KLHL25: variants seen among roughly 807,000 people sequenced by gnomAD.
KLHL25 encodes the protein kelch like family member 25.
In KLHL25, 41 loss-of-function variants were observed where a neutral mutation model predicts 30.0. The observed-to-expected ratio is 1.37, with a 90% CI of 1.07 to 1.78. The LOEUF (loss-of-function observed/expected upper bound fraction) is 1.78. Ranked by LOEUF, KLHL25 falls within the 40% of genes most tolerant of loss-of-function variation. The pLI is 0.00. For missense variants in KLHL25, 971 were observed against 824.5 expected, an observed-to-expected ratio of 1.18 and a Z score of -2.18; for synonymous variants, 399 against 355.3, an observed-to-expected ratio of 1.12 and a Z score of -1.38.
intron 1 of KLHL25, among the ~76,000 whole-genome samples, chr15:85,784,488 T>A (rs8036906): frequency 9.9e-5 from 15 of 151,940 alleles, no homozygotes; most frequent in East Asian, 5.8e-4. Flanking sequence ...CTGACGTTGC[T>A]CTACTGCACT....
chr15:85,781,990 C>T (rs993307599), intron 1 of KLHL25, among the ~76,000 whole-genome samples: 5 of 151,924 alleles, frequency 3.3e-5, no homozygotes, highest in African/African-American at 1.2e-4. Flanking sequence ...CCTGGCCCTG[C>T]CTGCTCCTCC....
At position 85,768,762 on chromosome 15, in the gene KLHL25, G is replaced by C; in HGVS notation, c.1049C>G (p.Ser350Cys). 1.2e-6 allele frequency: 2 copies of C among 1,612,958 alleles called. No individual in the cohort carries two copies. Among genetic ancestry groups the C allele is most frequent in the South Asian group, 2.2e-5 (2 of 91,086 alleles). ...CKVYVTGGRG[S>C]ENGVSKDVWV... ...GACATCCTTGGAGACCCCGTTCTCG[G>C]AGCCCCTGCCCCCCGTCACATAGAC... Residue 350 changes from serine to cysteine, a missense_variant, in exon 2 of 3, where the codon TCC (serine) becomes TGC (cysteine). Coordinates refer to ENST00000337975, the MANE Select transcript of KLHL25 (RefSeq NM_022480.4).
chr15:85,782,155 C>T (rs1298089807), intron 1 of KLHL25, among the ~76,000 whole-genome samples: 1 of 152,116 alleles, frequency 6.6e-6, no homozygotes, highest in African/African-American at 2.4e-5. Context: ...TGATAATTCT[C>T]GGTCTCTTGA....
At position 85,769,605 on chromosome 15, in the gene KLHL25, C is replaced by A; in HGVS notation, c.206G>T (p.Arg69Leu). Residue 69 changes from arginine to leucine, a missense_variant, in exon 2 of 3, where the codon CGC (arginine) becomes CTC (leucine). Arg to Leu is a moderately radical substitution (Grantham distance 102, BLOSUM62 -2). Transcript: ENST00000337975. ...ATGGCTGAACATGGCCTCAAAATAG[C>A]GGCTAGAGGCGGCCAGCACGGCACG... Reference protein sequence around the residue: ...CHRAVLAASSRYFEAMFSHGL... With the variant: ...CHRAVLAASSLYFEAMFSHGL... The A allele has an allele frequency of 6.2e-7, 1 of 1,613,222 alleles. No individual in the cohort carries two copies. Among genetic ancestry groups the A allele is most frequent in the Non-Finnish European group, 8.5e-7 (1 of 1,180,016 alleles).
At chr15:85,791,407 A>C (rs1014980975) in intron 1 of KLHL25, among the ~76,000 whole-genome samples, 10 of 152,176 alleles carry the variant, frequency 6.6e-5, no homozygotes, top group Admixed American at 6.5e-4. Flanking sequence ...AGGCGGGAGA[A>C]TCACTTGAAT....
intron 1 of KLHL25, among the ~76,000 whole-genome samples, chr15:85,785,701 G>A (rs1403335044): frequency 1.3e-5 from 2 of 152,104 alleles, no homozygotes; most frequent in African/African-American, 2.4e-5. Context: ...ACCATGTGCA[G>A]TGGCCCCTGC....
At chr15:85,793,965 A>C (rs775843641) in intron 1 of KLHL25, among the ~76,000 whole-genome samples, 2 of 152,226 alleles carry the variant, frequency 1.3e-5, no homozygotes, top group African/African-American at 2.4e-5. Context: ...GGGGGCTTAG[A>C]GCAGCAACAC....
intron 1 of KLHL25, among the ~76,000 whole-genome samples, chr15:85,791,877 T>C (rs1280960530): frequency 1.3e-5 from 2 of 152,128 alleles, no homozygotes; most frequent in African/African-American, 4.8e-5. Context: ...CCCACAGCAT[T>C]TGAACCCCAG....
intron 1 of KLHL25, among the ~76,000 whole-genome samples, chr15:85,781,691 C>A (rs924661829): frequency 6.6e-6 from 1 of 152,084 alleles, no homozygotes; most frequent in Non-Finnish European, 1.5e-5. Flanking sequence ...ACCATGTTGG[C>A]CAGGCTGGTC....
chr15:85,781,560 T>C (rs1216193113), intron 1 of KLHL25, among the ~76,000 whole-genome samples: 1 of 152,138 alleles, frequency 6.6e-6, no homozygotes, highest in Non-Finnish European at 1.5e-5. Context: ...GTCGGCTCAC[T>C]GCAACCTCCA....
chr15:85,785,384 C>A (rs561593516), intron 1 of KLHL25, among the ~76,000 whole-genome samples: 1 of 152,166 alleles, frequency 6.6e-6, no homozygotes, highest in African/African-American at 2.4e-5. Flanking sequence ...TGAGCCACCA[C>A]GCCCGGCCAA....
chr15:85,766,819 G>A (rs753490772), intron 2 of KLHL25, among the ~76,000 whole-genome samples: 2 of 152,198 alleles, frequency 1.3e-5, no homozygotes, highest in African/African-American at 2.4e-5. Context: ...TGCCGGCTTC[G>A]AGGAAGGACT....
Position 85,768,516 on chromosome 15 carries a change from T to C in KLHL25, c.1295A>G (p.Asp432Gly), listed in dbSNP as rs774659435. 32 of 1,613,626 alleles carry C rather than the reference T, an allele frequency of 2.0e-5. No homozygotes were observed. Among genetic ancestry groups the C allele is most frequent in the Non-Finnish European group, 2.5e-5 (29 of 1,179,974 alleles). ...CACCACTGCGGCATTGCTGACGCCA[T>C]CCCGCAAGGGGGCCACCATCATCCA... is the stretch of plus-strand genomic sequence containing the variant. Reference protein sequence around the residue: ...NKWMMVAPLRDGVSNAAVVSA... With the variant: ...NKWMMVAPLRGGVSNAAVVSA... Residue 432 changes from aspartate (D) to glycine (G), a missense_variant, in exon 2 of 3, where the codon GAT becomes GGT. Transcript: ENST00000337975.
chr15:85,792,519 GGGGGTAGGTTCTCCCAGGACCCCCA>G (rs1217612064), intron 1 of KLHL25, among the ~76,000 whole-genome samples: 1 of 152,128 alleles, frequency 6.6e-6, no homozygotes, highest in Non-Finnish European at 1.5e-5. Context: ...TTTGGGACCA[GGGGGTAGGTTCTCCCAGGACCCCCA>G]GAGAAGAGAG....
intron 1 of KLHL25, chr15:85,770,403 C>A (rs1475427438): frequency 4.1e-6 from 2 of 484,108 alleles, no homozygotes; most frequent in East Asian, 1.2e-4. Context: ...CCAAGCAGAG[C>A]CTCACGTACC....
intron 1 of KLHL25, among the ~76,000 whole-genome samples, 157 bp from the exon 2 acceptor site, chr15:85,769,977 A>T (rs904226736): frequency 2.0e-5 from 3 of 152,220 alleles, no homozygotes; most frequent in African/African-American, 7.2e-5. Context: ...GTTGCCAAGG[A>T]CAACACAGGC....
At chr15:85,786,569 A>T (rs1410215228) in intron 1 of KLHL25, among the ~76,000 whole-genome samples, 1 of 152,122 alleles carries the variant, frequency 6.6e-6, no homozygotes, top group Non-Finnish European at 1.5e-5. Context: ...CTCCTGGCTC[A>T]TTTCTTTATT....
intron 2 of KLHL25, among the ~76,000 whole-genome samples, chr15:85,765,338 AAAG>A (rs1170475772): frequency 1.3e-5 from 2 of 151,756 alleles, no homozygotes; most frequent in Non-Finnish European, 2.9e-5. Flanking sequence ...GATTAAAAAA[AAAG>A]AAGACCGGGC....
rs777288723 is a variant in KLHL25, at chr15:85,781,444, C to A, written c.-10-11624G>T. Reference sequence around the variant, plus strand: ...TCCACCAAGAGAATCTCAGGGACACCCAGACCACACTTTGAGAACATTGCG... The same window carrying A: ...TCCACCAAGAGAATCTCAGGGACACACAGACCACACTTTGAGAACATTGCG... On this transcript the variant is annotated intron_variant, in intron 1 of 2. Transcript: ENST00000337975. Among the ~76,000 whole-genome samples, 3 of 152,028 alleles carry A rather than the reference C, an allele frequency of 2.0e-5. No homozygotes were observed. The South Asian group carries it at 6.3e-4, about 32-fold the overall frequency.
Sources: gnomAD v4.1 joint callset for allele counts (sites outside exome capture counted in the v4.1 genomes callset) on GRCh38, gnomAD v4.1.1 for gene constraint, MANE v1.5 for transcripts, NCBI Gene and HGNC (gene_info 2026-07-23, HGNC 2026-07-21) for gene names.